RGS6: variants seen among roughly 807,000 people sequenced by gnomAD.
The protein encoded by RGS6 is regulator of G protein signaling 6, also known as regulator of G-protein signaling 6.
In RGS6, 30 loss-of-function variants were observed where a neutral mutation model predicts 78.5. The ratio of observed to expected loss-of-function variants is 0.38; its 90% CI spans 0.29 to 0.52. The LOEUF is 0.52. Among genes scored for constraint, RGS6 ranks in the 20% least tolerant of loss-of-function variants. The pLI is 0.85. For synonymous variants in RGS6, 206 were observed against 206.0 expected, an observed-to-expected ratio of 1.00 and a Z score of 0.00; for missense variants, 495 against 609.7, an observed-to-expected ratio of 0.81 and a Z score of 1.98.
chr14:72,014,100 G>A (rs188840255), intron 2 of RGS6, among the ~76,000 whole-genome samples: 221 of 152,330 alleles, frequency 1.5e-3, no homozygotes, highest in African/African-American at 3.6e-3. Flanking sequence ...CAACCACCGT[G>A]TGAGCCTTGT....
intron 3 of RGS6, among the ~76,000 whole-genome samples, chr14:72,379,360 G>A (rs1441530349): frequency 6.6e-6 from 1 of 151,976 alleles, no homozygotes; most frequent in Non-Finnish European, 1.5e-5. Context: ...TAAATAAAGG[G>A]CATCCAAATT....
chr14:72,118,461 A>G (rs1388540825), intron 2 of RGS6, among the ~76,000 whole-genome samples: 1 of 152,188 alleles, frequency 6.6e-6, no homozygotes, highest in Non-Finnish European at 1.5e-5. Context: ...TACTCATAGA[A>G]GGGCACCCTG....
At chr14:72,441,213 A>G (rs1449241482) in intron 3 of RGS6, among the ~76,000 whole-genome samples, 3 of 152,142 alleles carry the variant, frequency 2.0e-5, no homozygotes, top group Non-Finnish European at 4.4e-5. Context: ...GAAGGGGTAC[A>G]GAAGAGGAAG....
At chr14:72,341,671 T>C (rs1273675251) in intron 2 of RGS6, among the ~76,000 whole-genome samples, 2 of 152,188 alleles carry the variant, frequency 1.3e-5, no homozygotes, top group Non-Finnish European at 2.9e-5. Flanking sequence ...TGCCGAATGA[T>C]GGAGGACCTT....
intron 3 of RGS6, among the ~76,000 whole-genome samples, chr14:72,372,829 T>G (rs2083785188): frequency 6.6e-6 from 1 of 152,250 alleles, no homozygotes; most frequent in Non-Finnish European, 1.5e-5. Context: ...CATCCTTGCT[T>G]CTGCTGCCAG....
At chr14:72,047,123 C>G (rs375165896) in intron 2 of RGS6, among the ~76,000 whole-genome samples, 1 of 152,132 alleles carries the variant, frequency 6.6e-6, no homozygotes, top group Non-Finnish European at 1.5e-5. Context: ...TGTGACACGA[C>G]ATAATGCACA....
At chr14:71,946,389 G>T (rs542605091) in intron 1 of RGS6, among the ~76,000 whole-genome samples, 2 of 152,266 alleles carry the variant, frequency 1.3e-5, no homozygotes, top group South Asian at 4.2e-4. Context: ...CCGTACCCCA[G>T]GTCACAGCTG....
At chr14:71,934,329 CA>C (rs1358123669) in intron 1 of RGS6, among the ~76,000 whole-genome samples, 35 of 152,288 alleles carry the variant, frequency 2.3e-4, no homozygotes, top group Non-Finnish European at 1.5e-5. Flanking sequence ...CCCAATAACT[CA>C]TCCTTTCCTG....
At chr14:72,345,047 T>C (rs886907073) in intron 2 of RGS6, among the ~76,000 whole-genome samples, 2 of 152,172 alleles carry the variant, frequency 1.3e-5, no homozygotes, top group Non-Finnish European at 2.9e-5. Flanking sequence ...TGCAGCTCAG[T>C]GTAGTCATGT....
chr14:72,154,603 C>A (rs1231792333), intron 2 of RGS6, among the ~76,000 whole-genome samples: 4 of 152,172 alleles, frequency 2.6e-5, no homozygotes, highest in African/African-American at 9.7e-5. Context: ...ATGGTGCTAA[C>A]CAGGCTGCAT....
At chr14:71,912,033 A>G in the RGS6 span, among the ~76,000 whole-genome samples, 3 of 152,208 alleles carry the variant, frequency 2.0e-5, no homozygotes. Flanking sequence ...AAAAGATGAA[A>G]TGGAAGACAC....
At chr14:72,157,752 C>T (rs1378814435) in intron 2 of RGS6, among the ~76,000 whole-genome samples, 2 of 152,122 alleles carry the variant, frequency 1.3e-5, no homozygotes, top group East Asian at 1.9e-4. Flanking sequence ...AATATTAATA[C>T]TTAACCACTG....
At chr14:71,965,399 A>T (rs1468795593) in intron 2 of RGS6, among the ~76,000 whole-genome samples, 1 of 152,188 alleles carries the variant, frequency 6.6e-6, no homozygotes, top group Non-Finnish European at 1.5e-5. Context: ...CAGAGGTGAG[A>T]ATGGGCTTGT....
intron 2 of RGS6, among the ~76,000 whole-genome samples, chr14:72,338,964 A>G (rs2076510069): frequency 6.6e-6 from 1 of 152,266 alleles, no homozygotes; most frequent in African/African-American, 2.4e-5. Flanking sequence ...TTTTAGAAAT[A>G]GGACTAGCTT....
chr14:72,475,830 G>GCACACACACACACACACACACACACA (rs1555424335), intron 10 of RGS6, among the ~76,000 whole-genome samples: 4 of 145,702 alleles, frequency 2.7e-5, no homozygotes, highest in South Asian at 2.3e-4. Flanking sequence ...AAAAATACAC[G>GCACACACACACACACACACACACACA]CACACACACA....
At chr14:72,547,956 T>C (rs2097433450) in intron 17 of RGS6, among the ~76,000 whole-genome samples, 1 of 152,218 alleles carries the variant, frequency 6.6e-6, no homozygotes, top group Non-Finnish European at 1.5e-5. Context: ...ATATGTGGCC[T>C]GTTAGCAGCA....
the RGS6 span, among the ~76,000 whole-genome samples, chr14:71,874,488 A>AT: frequency 6.6e-6 from 1 of 152,280 alleles, no homozygotes; most frequent in East Asian, 1.9e-4. Context: ...TTGCACATTG[A>AT]TTTTGTATCC....
intron 2 of RGS6, among the ~76,000 whole-genome samples, chr14:72,287,516 G>A (rs2062791625): frequency 1.3e-5 from 2 of 152,108 alleles, no homozygotes; most frequent in African/African-American, 4.8e-5. Context: ...GAGTGCAGTG[G>A]CGTGATCTAG....
intron 2 of RGS6, among the ~76,000 whole-genome samples, chr14:72,149,440 T>C (rs1165281652): frequency 6.6e-6 from 1 of 152,130 alleles, no homozygotes; most frequent in East Asian, 1.9e-4. Context: ...TCATTCCAGC[T>C]GGAAGGAACA....
Sources: gnomAD v4.1 joint callset for allele counts (sites outside exome capture counted in the v4.1 genomes callset) on GRCh38, gnomAD v4.1.1 for gene constraint, MANE v1.5 for transcripts, NCBI Gene and HGNC (gene_info 2026-07-23, HGNC 2026-07-21) for gene names.